Variants in DHX37 observed in about 807,000 individuals in gnomAD.
DHX37 encodes probable ATP-dependent RNA helicase DHX37.
DHX37 carries 52 observed loss-of-function variants against 134.3 expected under a neutral mutation model. The ratio of observed to expected loss-of-function variants is 0.39; its 90% CI spans 0.31 to 0.49. DHX37 has a LOEUF of 0.49. DHX37 is among the 20% of genes least tolerant of loss of function. DHX37 has a pLI of 0.93. For missense variants in DHX37, 1,344 were observed against 1,580.8 expected (o/e 0.85, Z 2.54); for synonymous variants, 634 against 670.7 (o/e 0.95, Z 0.85).
intron 15 of DHX37, among the ~76,000 whole-genome samples, chr12:124,962,158 T>C (rs576203403): frequency 1.3e-5 from 2 of 151,712 alleles, no homozygotes; most frequent in African/African-American, 4.8e-5. Flanking sequence ...CAGTGAGCTA[T>C]ACTTGGGCCA....
chr12:124,968,390 A>G, intron 10 of DHX37, 144 bp downstream of exon 10: 1 of 1,362,894 alleles, frequency 7.3e-7, no homozygotes, highest in Non-Finnish European at 9.9e-7. Context: ...TGTCATGAAC[A>G]CTCTGGAATA....
chr12:124,982,882 A>G (rs956824248), intron 2 of DHX37, among the ~76,000 whole-genome samples: 1 of 152,128 alleles, frequency 6.6e-6, no homozygotes, highest in Non-Finnish European at 1.5e-5. Context: ...ATTATGGCCC[A>G]CCAGATGTCC....
chr12:124,972,433 C>T, intron 7 of DHX37, 70 bp downstream of exon 7: 1 of 1,538,418 alleles, frequency 6.5e-7, no homozygotes, highest in Non-Finnish European at 9.0e-7. Flanking sequence ...GCTCATATCC[C>T]AGGTGACATC....
At chr12:124,977,579 G>A in intron 4 of DHX37, 89 bp from the exon 5 acceptor site, 3 of 1,413,806 alleles carry the variant, frequency 2.1e-6, no homozygotes, top group Non-Finnish European at 2.8e-6. Context: ...ACACATGGGT[G>A]CTGAACAGAT....
At position 124,947,681 on chromosome 12, in the gene DHX37, G is replaced by T; in HGVS notation, c.*121C>A. On this transcript the variant is annotated 3_prime_UTR_variant, in exon 27 of 27. Transcript: ENST00000308736. ...TCATGGATGAGGGTTCCCAGGGCTT[G>T]ACCCACTTCCTGAGAGCAGGCCACG... is the stretch of plus-strand genomic sequence containing the variant. 1 of 1,312,916 alleles carries T rather than the reference G, an allele frequency of 7.6e-7. No individual in the cohort carries two copies. Among genetic ancestry groups the T allele is most frequent in the South Asian group, 1.6e-5 (1 of 62,438 alleles). The allele number at this position is 1,312,916 out of a possible 1,614,324, so 81.3% of individuals were successfully genotyped here. A position where few individuals can be genotyped will look rare whatever the true frequency, so the allele number is the denominator to read the frequency against.
At chr12:124,983,348 C>T (rs1267411738) in intron 2 of DHX37, among the ~76,000 whole-genome samples, 2 of 151,720 alleles carry the variant, frequency 1.3e-5, no homozygotes, top group Non-Finnish European at 2.9e-5. Context: ...CTGCCCGCCT[C>T]GGCCTCCCAA....
Position 124,960,321 on chromosome 12 carries a change from G to T in DHX37, c.2148C>A (p.Asn716Lys). 1 of 1,613,408 alleles carries T rather than the reference G, an allele frequency of 6.2e-7. No homozygotes were observed. The highest frequency in any genetic ancestry group is 1.7e-5 in the Admixed American group (1 of 60,010). ...GGGGGCAGCAACTGACCTTTTCAAC[G>T]TTGAGCGCCTTCATTTGAAGGATTA... ...EDLILQMKAL[N>K]VEKVINFPFP... The change falls in exon 16 of 27, where the codon AAC (asparagine) becomes AAA (lysine). Residue 716 changes from asparagine to lysine, a missense_variant. Asn to Lys is a moderately conservative substitution (Grantham distance 94). Coordinates refer to ENST00000308736, the MANE Select transcript of DHX37 (RefSeq NM_032656.4).
At chr12:124,960,446 A>T (rs778962607) in intron 15 of DHX37, 23 bp from the exon 16 acceptor site, 20 of 1,603,630 alleles carry the variant, frequency 1.2e-5, no homozygotes, top group South Asian at 7.7e-5. Context: ...AAACCGGGAC[A>T]ACAAACACAA....
chr12:124,960,938 A>G (rs1324237436), intron 15 of DHX37, among the ~76,000 whole-genome samples: 6 of 152,266 alleles, frequency 3.9e-5, no homozygotes, highest in Non-Finnish European at 8.8e-5. Context: ...TGGGCGACAG[A>G]GCGAGACTCC....
Position 124,957,088 on chromosome 12 carries a change from A to C in DHX37, c.2205T>G (p.Leu735=). ...FPTPPSVEAL[L]AAEELLIALG... ...GTGCGATCAACAGCTCCTCGGCGGC[A>C]AGAAGGGCTTCCACGGAGGGGGGCG... is the stretch of plus-strand genomic sequence containing the variant. Residue 735 remains leucine, a synonymous_variant, in exon 17 of 27, where the codon CTT becomes CTG. Transcript: ENST00000308736. 1 of 1,497,200 alleles carries C rather than the reference A, an allele frequency of 6.7e-7. No individual in the cohort carries two copies. Among genetic ancestry groups the C allele is most frequent in the South Asian group, 1.4e-5 (1 of 72,666 alleles). The allele number at this position is 1,497,200 out of a possible 1,614,324, so 92.7% of individuals were successfully genotyped here.
chr12:124,978,754 G>T (rs1296993619), intron 4 of DHX37, among the ~76,000 whole-genome samples: 2 of 151,444 alleles, frequency 1.3e-5, no homozygotes, highest in African/African-American at 4.8e-5. Flanking sequence ...GCCAGACTCT[G>T]TCTCTACAAA....
At chr12:124,962,126 T>A (rs1954278214) in intron 15 of DHX37, among the ~76,000 whole-genome samples, 1 of 151,588 alleles carries the variant, frequency 6.6e-6, no homozygotes, top group African/African-American at 2.4e-5. Context: ...GAAGACTGCT[T>A]GAGCCCAGGA....
rs758478303 is a variant in DHX37, at chr12:124,982,587, C to A, written c.313G>T (p.Ala105Ser). 7.4e-6 allele frequency: 12 copies of A among 1,613,674 alleles called. No homozygotes were observed. In the Admixed American group the frequency reaches 2.0e-4, roughly 27 times the overall value. ...AAGAGTCTCATCTCAGCTTCGGAAG[C>A]CTGGACTTCACTCAGCTTCTGTAGC... The part of the protein sequence containing the change: ...EMLQKLSEVQ[A>S]SEAEMRLFYT... Residue 105 changes from alanine (A) to serine (S), a missense_variant, in exon 3 of 27, where the codon GCT (alanine) becomes TCT (serine). Coordinates refer to ENST00000308736, the MANE Select transcript of DHX37 (RefSeq NM_032656.4).
rs577745546 is a variant in DHX37 at position 124,963,366 on chromosome 12, G to C, written c.2045+1028C>G. Among the ~76,000 whole-genome samples, 8 of 152,298 alleles carry C rather than the reference G, an allele frequency of 5.3e-5. No homozygotes were observed. In the South Asian group the frequency reaches 1.4e-3, roughly 28 times the overall value. ...GCCACAGGCTGGGGCGGGGAAGAAG[G>C]GGGGTGACTGCAGTGGTCACGGGGT... is the stretch of plus-strand genomic sequence containing the variant. On this transcript the variant is annotated intron_variant, in intron 15 of 26. Transcript: ENST00000308736.
chr12:124,971,959 C>T (rs4765195), intron 7 of DHX37, among the ~76,000 whole-genome samples: 49,500 of 152,204 alleles, frequency 0.33, 8,692 homozygotes, highest in East Asian at 0.61. Context: ...AATGGAAAGT[C>T]CTTGGGACGC....
rs753064869 is a variant in DHX37, at chr12:124,957,175, C to T, written c.2158-40G>A. The T allele has an allele frequency of 4.1e-6, 6 of 1,460,958 alleles. No homozygotes were observed. The South Asian group carries it at 5.8e-5, about 14-fold the overall frequency. The allele number at this position is 1,460,958 out of a possible 1,614,324, so 90.5% of individuals were successfully genotyped here. On this transcript the variant is annotated intron_variant, in intron 16 of 26. Transcript: ENST00000308736. ...GACGTGGCAGGGACAGGGTGAATGC[C>T]AAGAACAAGTCCGGTGCTCCTGCTC...
chr12:124,964,860 G>A (rs753334900), intron 14 of DHX37, 70 bp downstream of exon 14: 2 of 1,510,196 alleles, frequency 1.3e-6, no homozygotes, highest in Non-Finnish European at 1.8e-6. Context: ...GACCACCAAG[G>A]GCTTGACCAA....
At chr12:124,952,270 C>G in intron 21 of DHX37, 128 bp downstream of exon 21, 1 of 948,986 alleles carries the variant, frequency 1.1e-6, no homozygotes, top group African/African-American at 1.7e-5. Flanking sequence ...ACTGCAAGCC[C>G]CACTTGTTCC....
chr12:124,956,996 G>A, intron 17 of DHX37, 33 bp downstream of exon 17: 1 of 1,525,784 alleles, frequency 6.6e-7, no homozygotes, highest in Non-Finnish European at 8.8e-7. Flanking sequence ...CCTGAACGGG[G>A]CAGGAACTGG....
Sources: gnomAD v4.1 joint callset for allele counts (sites outside exome capture counted in the v4.1 genomes callset) on GRCh38, gnomAD v4.1.1 for gene constraint, MANE v1.5 for transcripts, NCBI Gene and HGNC (gene_info 2026-07-23, HGNC 2026-07-21) for gene names.